Variants in ZFP91 observed in about 807,000 individuals in gnomAD.
The protein encoded by ZFP91 is ZFP91 zinc finger protein, atypical E3 ubiquitin ligase.
A neutral mutation model predicts 63.5 loss-of-function variants in ZFP91; 7 were observed. That is an observed-to-expected ratio of 0.11 (90% CI 0.06 to 0.21). The LOEUF is 0.21. Ranked by LOEUF, ZFP91 falls within the 10% of genes least tolerant of loss-of-function variation. The pLI is 1.00. For synonymous variants in ZFP91, 330 were observed against 272.1 expected (o/e 1.21, Z -2.10); for missense variants, 628 against 736.6 (o/e 0.85, Z 1.71).
intron 2 of ZFP91, among the ~76,000 whole-genome samples, chr11:58,585,786 C>A (rs868275231): frequency 1.3e-5 from 2 of 152,058 alleles, no homozygotes; most frequent in Non-Finnish European, 2.9e-5. Flanking sequence ...ATAAATAATT[C>A]TTCGAGAACG....
intron 2 of ZFP91, among the ~76,000 whole-genome samples, chr11:58,607,370 T>G (rs145036075): frequency 8.2e-4 from 125 of 152,298 alleles, no homozygotes; most frequent in African/African-American, 2.5e-3. Context: ...TGAATAAGCT[T>G]CTTTTTTGGG....
At chr11:58,586,415 G>A (rs1017346945) in intron 2 of ZFP91, among the ~76,000 whole-genome samples, 7 of 152,146 alleles carry the variant, frequency 4.6e-5, no homozygotes, top group Non-Finnish European at 8.8e-5. Flanking sequence ...TGATCCGCCT[G>A]CCTCGTGTGT....
rs191559571 is a variant in ZFP91, at chr11:58,611,594, G to A, written c.723-10G>A. On this transcript the variant is annotated splice_polypyrimidine_tract_variant and intron_variant, in intron 5 of 10. Coordinates refer to ENST00000316059, the MANE Select transcript of ZFP91 (RefSeq NM_053023.5). ...TTTTGTCTAGTATTGAAATGCATTT[G>A]TGTTTTCAGGGAAACCCCAAAGCCA... is the stretch of plus-strand genomic sequence containing the variant. 122 of 1,610,202 alleles carry A rather than the reference G, an allele frequency of 7.6e-5. 1 individual carries two copies. In the African/African-American group the frequency reaches 1.5e-3, roughly 20 times the overall value.
intron 7 of ZFP91, 48 bp downstream of exon 7, chr11:58,612,376 G>A (rs769337242): frequency 1.9e-6 from 3 of 1,581,336 alleles, no homozygotes; most frequent in Non-Finnish European, 2.6e-6. Flanking sequence ...CCAGTACCAG[G>A]CACTTTACTC....
At chr11:58,607,498 T>C (rs1186595928) in intron 2 of ZFP91, among the ~76,000 whole-genome samples, 1 of 150,510 alleles carries the variant, frequency 6.6e-6, no homozygotes, top group Non-Finnish European at 1.5e-5. Context: ...ATAGCTCAGA[T>C]AGGAGGGTGA....
At position 58,620,011 on chromosome 11, in the gene ZFP91, T is replaced by G. The variant is rs1339296668; in HGVS notation, c.*2305T>G. The G allele has an allele frequency of 6.6e-6, 1 of 152,190 alleles. No individual in the cohort carries two copies. Among genetic ancestry groups the G allele is most frequent in the East Asian group, 1.9e-4 (1 of 5,194 alleles). The allele number at this position is 152,190 out of a possible 1,614,324, so 9.4% of individuals were successfully genotyped here. ...CCACCTACACAAAAGCAAACTGCAT[T>G]TTTAAAAATCTTTCTGAGATGGGAG... On this transcript the variant is annotated 3_prime_UTR_variant, in exon 11 of 11. Coordinates refer to ENST00000316059, the MANE Select transcript of ZFP91 (RefSeq NM_053023.5).
Position 58,617,069 on chromosome 11 carries a change from A to G in ZFP91, c.1203-127A>G, listed in dbSNP as rs1001715319. The G allele has an allele frequency of 2.2e-5, 16 of 737,088 alleles. No homozygotes were observed. In the African/African-American group the frequency reaches 3.1e-4, roughly 14 times the overall value. 45.7% of individuals were successfully genotyped at this position (737,088 alleles called of 1,614,324 possible). ...CTTCAAAAGAAGTATGTTACTGATT[A>G]TTGTGTGTGTGTGTGTGTGTGTGTG... On this transcript the variant is annotated intron_variant, in intron 10 of 10. Coordinates refer to ENST00000316059, the MANE Select transcript of ZFP91 (RefSeq NM_053023.5). The surrounding 1 kb of genome is among the most constrained non-coding windows in gnomAD (Gnocchi z 4.2).
intron 2 of ZFP91, among the ~76,000 whole-genome samples, chr11:58,595,478 T>G (rs970542854): frequency 5.3e-5 from 8 of 152,128 alleles, no homozygotes; most frequent in African/African-American, 1.9e-4. Flanking sequence ...CTTGTTATAA[T>G]AATTATCTCT....
At chr11:58,584,489 T>A in intron 1 of ZFP91, among the ~76,000 whole-genome samples, 1 of 152,142 alleles carries the variant, frequency 6.6e-6, no homozygotes, top group East Asian at 1.9e-4. Flanking sequence ...TCTTATATAA[T>A]CACTTAATGT....
At chr11:58,614,670 T>G (rs1325997716) in intron 9 of ZFP91, among the ~76,000 whole-genome samples, 3 of 152,300 alleles carry the variant, frequency 2.0e-5, no homozygotes, top group Admixed American at 6.5e-5. Flanking sequence ...TTGTTTATAT[T>G]GATCTTATTT....
intron 9 of ZFP91, among the ~76,000 whole-genome samples, chr11:58,615,453 T>C (rs922459925): frequency 1.3e-5 from 2 of 152,228 alleles, no homozygotes; most frequent in Non-Finnish European, 2.9e-5. Flanking sequence ...ATAAATTCAG[T>C]CCATTTCAAA....
intron 1 of ZFP91, among the ~76,000 whole-genome samples, chr11:58,580,754 G>A (rs761374766): frequency 2.0e-4 from 30 of 152,136 alleles, no homozygotes; most frequent in Non-Finnish European, 3.2e-4. Context: ...TCATATTGTG[G>A]TATTAGATAT....
intron 9 of ZFP91, among the ~76,000 whole-genome samples, 176 bp from the exon 10 acceptor site, chr11:58,616,539 AT>A (rs960856520): frequency 4.0e-5 from 6 of 151,284 alleles, no homozygotes; most frequent in African/African-American, 1.2e-4. Context: ...TGAATGTTGG[AT>A]TTTTTTTAAA....
intron 2 of ZFP91, 93 bp downstream of exon 2, chr11:58,584,977 A>G: frequency 9.4e-7 from 1 of 1,064,312 alleles, no homozygotes. Flanking sequence ...GTTCCCATTT[A>G]AAAGGAATTT....
chr11:58,579,073 CGCGCGCGCCGCCAGCGGTA>C lies in ZFP91; in HGVS notation c.-205_-187del, dbSNP rs916419380. 8.3e-6 allele frequency: 3 copies of C among 361,000 alleles called. No individual in the cohort carries two copies. The highest frequency in any genetic ancestry group is 8.0e-5 in the African/African-American group (3 of 37,674). The allele number at this position is 361,000 out of a possible 1,614,324, so 22.4% of individuals were successfully genotyped here. A position where few individuals can be genotyped will look rare whatever the true frequency, so the allele number is the denominator to read the frequency against. On this transcript the variant is annotated 5_prime_UTR_variant, in exon 1 of 11. Coordinates refer to ENST00000316059, the MANE Select transcript of ZFP91 (RefSeq NM_053023.5). ...GCCCGCTGAGCGTCTGTGGCGCGCG[CGCGCGCGCCGCCAGCGGTA>C]GCGGACCTTGAGTGGCAGGGGGTGG...
Position 58,617,100 on chromosome 11 carries a change from A to T in ZFP91, c.1203-96A>T. The T allele has an allele frequency of 1.3e-6, 1 of 787,138 alleles. No homozygotes were observed. The highest frequency in any genetic ancestry group is 1.9e-6 in the Non-Finnish European group (1 of 536,784). 48.8% of individuals were successfully genotyped at this position (787,138 alleles called of 1,614,324 possible). ...TGTGTGTGTGTGTGTGTGTGTGTGT[A>T]TGTATATATATGCTCTAAACTCTAA... is the stretch of plus-strand genomic sequence containing the variant. On this transcript the variant is annotated intron_variant, in intron 10 of 10. Transcript: ENST00000316059. This position sits in a 1 kb window ranked among gnomAD's most constrained non-coding sequence, Gnocchi z 4.2.
At position 58,579,096 on chromosome 11, in the gene ZFP91, G is replaced by C; in HGVS notation, c.-186G>C. 2.4e-6 allele frequency: 1 copy of C among 424,874 alleles called. No homozygotes were observed. The highest frequency in any genetic ancestry group is 3.9e-6 in the Non-Finnish European group (1 of 258,656). The allele number at this position is 424,874 out of a possible 1,614,324, so 26.3% of individuals were successfully genotyped here. ...CGCGCGCGCGCCGCCAGCGGTAGCG[G>C]ACCTTGAGTGGCAGGGGGTGGGGGG... On this transcript the variant is annotated 5_prime_UTR_variant, in exon 1 of 11. Transcript: ENST00000316059.
intron 2 of ZFP91, among the ~76,000 whole-genome samples, chr11:58,603,681 G>T (rs926292515): frequency 5.9e-5 from 9 of 152,208 alleles, no homozygotes; most frequent in Admixed American, 5.2e-4. Flanking sequence ...GGCCACGATG[G>T]CAGGGCTATT....
intron 10 of ZFP91, 69 bp downstream of exon 10, chr11:58,616,884 T>G (rs2134426187): frequency 2.1e-6 from 3 of 1,431,796 alleles, no homozygotes; most frequent in East Asian, 4.6e-5. Context: ...TTTGCCGCTT[T>G]ACAAACATAT....
Sources: gnomAD v4.1 joint callset for allele counts (sites outside exome capture counted in the v4.1 genomes callset) on GRCh38, gnomAD v4.1.1 for gene constraint, Gnocchi (gnomAD v3.1) non-coding constraint, MANE v1.5 for transcripts, NCBI Gene and HGNC (gene_info 2026-07-23, HGNC 2026-07-21) for gene names.